The following CEP128 variants were observed in gnomAD, a reference collection of about 807,000 sequenced individuals.
CEP128 encodes the protein centrosomal protein 128kDa.
Under a neutral mutation model 156.7 loss-of-function variants are expected in CEP128, and 132 were observed. The observed-to-expected ratio is 0.84, with a 90% CI of 0.73 to 0.97. The LOEUF (loss-of-function observed/expected upper bound fraction) is 0.97. Among genes scored for constraint, CEP128 ranks in the 50% least tolerant of loss-of-function variants. The pLI is 0.00. For missense variants in CEP128, 1,252 were observed against 1,281.9 expected (o/e 0.98, Z 0.36); for synonymous variants, 469 against 448.9 (o/e 1.04, Z -0.57).
At position 80,880,908 on chromosome 14, in the gene CEP128, A is replaced by AATAATAATTATT. The variant is rs779984422; in HGVS notation, c.645+14809_645+14810insAATAATTATTAT. Among the ~76,000 whole-genome samples the AATAATAATTATT allele has an allele frequency of 1.3e-4, 18 of 133,646 alleles. No individual in the cohort carries two copies. In the East Asian group the frequency reaches 1.9e-3, roughly 14 times the overall value. The allele number at this position is 133,646 out of a possible 152,430, so 87.7% of individuals were successfully genotyped here. On this transcript the variant is annotated intron_variant, in intron 8 of 24. Coordinates refer to ENST00000555265, the MANE Select transcript of CEP128 (RefSeq NM_152446.5). ...TAATAATAATAATAATAATAATAATAATTTCAGTAAAGGATACAAAATCAA... is the reference window on the plus strand; with the variant it reads ...TAATAATAATAATAATAATAATAATAATAATAATTATTATTTCAGTAAAGGATACAAAATCAA...
At chr14:80,499,118 C>G (rs1444630909) in intron 24 of CEP128, among the ~76,000 whole-genome samples, 1 of 152,158 alleles carries the variant, frequency 6.6e-6, no homozygotes, top group East Asian at 1.9e-4. Flanking sequence ...CTTTAATGGA[C>G]AAGAAACAAT....
intron 18 of CEP128, among the ~76,000 whole-genome samples, chr14:80,754,384 T>C (rs1364025828): frequency 6.6e-6 from 1 of 152,076 alleles, no homozygotes; most frequent in African/African-American, 2.4e-5. Flanking sequence ...ATACTTCTAT[T>C]ACAGCTCCTG....
Position 80,654,757 on chromosome 14 carries a change from A to G in CEP128, c.2807-74334T>C, listed in dbSNP as rs1350947383. ...TTTTCTCTTTCTACTCCCCTCCTCCACTTGTTGGCTTCTTTTTTCCTGCTT... is the reference window on the plus strand; with the variant it reads ...TTTTCTCTTTCTACTCCCCTCCTCCGCTTGTTGGCTTCTTTTTTCCTGCTT... On this transcript the variant is annotated intron_variant, in intron 19 of 24. Transcript: ENST00000555265. 2.6e-5 allele frequency among the ~76,000 whole-genome samples: 4 copies of G among 151,488 alleles called. No individual in the cohort carries two copies. The East Asian group carries it at 7.8e-4, about 29-fold the overall frequency.
At chr14:80,693,251 T>G (rs1284776736) in intron 19 of CEP128, among the ~76,000 whole-genome samples, 1 of 152,158 alleles carries the variant, frequency 6.6e-6, no homozygotes, top group Non-Finnish European at 1.5e-5. Flanking sequence ...AAGTCCCCTG[T>G]AAAAAGGTAT....
At chr14:80,780,433 C>T (rs1901044691) in intron 15 of CEP128, among the ~76,000 whole-genome samples, 1 of 152,118 alleles carries the variant, frequency 6.6e-6, no homozygotes, top group South Asian at 2.1e-4. Flanking sequence ...CAGGAAACTG[C>T]TGGGCTCACA....
At chr14:80,792,441 T>C (rs908018944) in intron 14 of CEP128, among the ~76,000 whole-genome samples, 1 of 152,170 alleles carries the variant, frequency 6.6e-6, no homozygotes, top group African/African-American at 2.4e-5. Context: ...AAAGATTTAG[T>C]CATTTTTTTT....
At chr14:80,775,226 A>G (rs1231440041) in intron 16 of CEP128, among the ~76,000 whole-genome samples, 6 of 152,218 alleles carry the variant, frequency 3.9e-5, no homozygotes, top group African/African-American at 1.4e-4. Flanking sequence ...TGAGTTTTAA[A>G]TAACTTGCCT....
At chr14:80,636,654 G>A (rs1013791013) in intron 19 of CEP128, among the ~76,000 whole-genome samples, 1 of 152,098 alleles carries the variant, frequency 6.6e-6, no homozygotes, top group Non-Finnish European at 1.5e-5. Flanking sequence ...CTCAAATCAA[G>A]ATGTTTCTCA....
chr14:80,564,451 C>G (rs1207787277), intron 20 of CEP128, among the ~76,000 whole-genome samples: 1 of 152,092 alleles, frequency 6.6e-6, no homozygotes, highest in East Asian at 1.9e-4. Flanking sequence ...TTGGGGGAAG[C>G]CTAAAGCATG....
At chr14:80,520,733 C>G (rs1888702708) in intron 23 of CEP128, among the ~76,000 whole-genome samples, 1 of 151,920 alleles carries the variant, frequency 6.6e-6, no homozygotes. Context: ...AAAAAATGTG[C>G]CATTGACATA....
At chr14:80,883,518 T>C (rs918777382) in intron 8 of CEP128, among the ~76,000 whole-genome samples, 1 of 152,052 alleles carries the variant, frequency 6.6e-6, no homozygotes, top group Non-Finnish European at 1.5e-5. Flanking sequence ...AATTAAATAC[T>C]TAGGAATTAA....
Position 80,767,910 on chromosome 14 carries a change from A to G in CEP128, c.2377-6297T>C, listed in dbSNP as rs534375130. On this transcript the variant is annotated intron_variant, in intron 16 of 24. Coordinates refer to ENST00000555265, the MANE Select transcript of CEP128 (RefSeq NM_152446.5). ...TGCCACTCACTACTCTGTGTCTTCT[A>G]TGTCTGTCTCCTCATCAGACTGTGA... 7.2e-5 allele frequency among the ~76,000 whole-genome samples: 11 copies of G among 152,250 alleles called. No individual in the cohort carries two copies. In the East Asian group the frequency reaches 1.7e-3, roughly 24 times the overall value.
chr14:80,953,961 G>GT (rs1054411549), intron 2 of CEP128, among the ~76,000 whole-genome samples: 2 of 151,978 alleles, frequency 1.3e-5, no homozygotes, highest in Admixed American at 1.3e-4. Flanking sequence ...CAATACCATG[G>GT]TAATTTTTAA....
chr14:80,825,669 GC>G (rs1885433397), intron 13 of CEP128, among the ~76,000 whole-genome samples: 1 of 152,120 alleles, frequency 6.6e-6, no homozygotes, highest in Non-Finnish European at 1.5e-5. Flanking sequence ...TCTGCTTTCT[GC>G]AACTCAGAGA....
intron 19 of CEP128, among the ~76,000 whole-genome samples, chr14:80,658,053 G>GT (rs1448041517): frequency 1.3e-5 from 2 of 152,044 alleles, no homozygotes; most frequent in South Asian, 2.1e-4. Context: ...ACTGTTTATA[G>GT]TTTTTTTCTA....
chr14:80,923,320 A>C (rs1400952344), intron 2 of CEP128, among the ~76,000 whole-genome samples: 1 of 152,220 alleles, frequency 6.6e-6, no homozygotes, highest in Non-Finnish European at 1.5e-5. Context: ...AGAGAGTAAA[A>C]CTGAATTCAA....
At chr14:80,597,612 C>CA (rs1448970597) in intron 19 of CEP128, among the ~76,000 whole-genome samples, 2 of 140,808 alleles carry the variant, frequency 1.4e-5, no homozygotes, top group Admixed American at 7.2e-5. Context: ...AATTGTCCCT[C>CA]AAAAAAACAA....
At chr14:80,715,333 C>T (rs1202111449) in intron 19 of CEP128, among the ~76,000 whole-genome samples, 1 of 152,164 alleles carries the variant, frequency 6.6e-6, no homozygotes, top group African/African-American at 2.4e-5. Flanking sequence ...TAGACCTCAA[C>T]CATAATTTGA....
At chr14:80,781,983 C>T (rs1317897579) in intron 15 of CEP128, among the ~76,000 whole-genome samples, 1 of 152,182 alleles carries the variant, frequency 6.6e-6, no homozygotes, top group Non-Finnish European at 1.5e-5. Context: ...TTCAACAACA[C>T]TCTCAAGAAA....
Sources: allele counts gnomAD v4.1 joint callset (sites outside exome capture counted in the v4.1 genomes callset), GRCh38; gene constraint gnomAD v4.1.1; transcripts MANE v1.5; gene names NCBI Gene and HGNC (gene_info 2026-07-23, HGNC 2026-07-21).